Variants in ATG7 observed in about 807,000 individuals in gnomAD.
ATG7 encodes the protein ubiquitin-like modifier-activating enzyme ATG7.
ATG7 carries 70 observed loss-of-function variants against 82.4 expected under a neutral mutation model. The ratio of observed to expected loss-of-function variants is 0.85; its 90% CI spans 0.70 to 1.04. ATG7 has a LOEUF of 1.04. ATG7 is among the 50% of genes least tolerant of loss of function. ATG7 has a pLI of 0.00. For missense variants in ATG7, 792 were observed against 864.3 expected, an observed-to-expected ratio of 0.92 and a Z score of 1.05; for synonymous variants, 287 against 313.0, an observed-to-expected ratio of 0.92 and a Z score of 0.88.
intron 19 of ATG7, among the ~76,000 whole-genome samples, chr3:11,426,039 C>G (rs2082334928): frequency 6.6e-6 from 1 of 151,620 alleles, no homozygotes; most frequent in Non-Finnish European, 1.5e-5. Context: ...TCAATGGTTT[C>G]TAGTTTTGGG....
At position 11,334,924 on chromosome 3, in the gene ATG7, A is replaced by C. The variant is rs1952188433; in HGVS notation, c.889+1831A>C. 2.1e-5 allele frequency among the ~76,000 whole-genome samples: 3 copies of C among 143,714 alleles called. No individual in the cohort carries two copies. The South Asian group carries it at 6.8e-4, about 33-fold the overall frequency. 94.3% of individuals were successfully genotyped at this position (143,714 alleles called of 152,430 possible). A position where few individuals can be genotyped will look rare whatever the true frequency, so the allele number is the denominator to read the frequency against. ...TGAGCCGACTGCACTGCTGCACTCC[A>C]GCCTGGGTGACAGAGCAAGACTCTG... On this transcript the variant is annotated intron_variant, in intron 11 of 20. Transcript: ENST00000693202.
chr3:11,524,141 A>G (rs897807307), intron 20 of ATG7, among the ~76,000 whole-genome samples: 4 of 152,234 alleles, frequency 2.6e-5, no homozygotes, highest in Non-Finnish European at 4.4e-5. Context: ...AGGAACCCCA[A>G]ATCTCTCCAC....
At position 11,313,389 on chromosome 3, in the gene ATG7, T is replaced by G; in HGVS notation, c.497T>G (p.Val166Gly). The change falls in exon 8 of 21, where the codon GTG becomes GGG. Residue 166 changes from valine to glycine, a missense_variant. By Grantham distance (109) the Val-to-Gly change is moderately radical. Transcript: ENST00000693202. ...PESLPLIQGP[V>G]GLDQRFSLKQ... ...AGTTTACCTCTCATTCAGGGGCCAGTGGGTTTGGATCAAAGGTTTTCACTA... is the reference window on the plus strand; with the variant it reads ...AGTTTACCTCTCATTCAGGGGCCAGGGGGTTTGGATCAAAGGTTTTCACTA... The G allele has an allele frequency of 2.5e-6, 4 of 1,612,556 alleles. No homozygotes were observed. Among genetic ancestry groups the G allele is most frequent in the Non-Finnish European group, 3.4e-6 (4 of 1,179,128 alleles).
the ATG7 span, among the ~76,000 whole-genome samples, chr3:11,563,407 G>A: frequency 2.6e-5 from 4 of 152,216 alleles, no homozygotes; most frequent in East Asian, 1.9e-4. Context: ...AGCAGTGAGC[G>A]GGTCCCTGTG....
the ATG7 span, among the ~76,000 whole-genome samples, chr3:11,571,137 C>G: frequency 6.6e-6 from 1 of 152,180 alleles, no homozygotes; most frequent in Non-Finnish European, 1.5e-5. Flanking sequence ...TACCGGCATT[C>G]GGACTGTCCC....
intron 19 of ATG7, among the ~76,000 whole-genome samples, chr3:11,411,671 G>A (rs1028458829): frequency 1.5e-5 from 2 of 137,634 alleles, no homozygotes; most frequent in Non-Finnish European, 3.1e-5. Flanking sequence ...ATGATTTTCA[G>A]ATTATTTTGT....
chr3:11,473,638 A>T (rs908249097), intron 20 of ATG7, among the ~76,000 whole-genome samples: 4 of 152,340 alleles, frequency 2.6e-5, no homozygotes, highest in African/African-American at 9.6e-5. Flanking sequence ...TGAAACAATG[A>T]GAGTGAATTT....
intron 19 of ATG7, among the ~76,000 whole-genome samples, chr3:11,413,264 TC>T (rs1351595361): frequency 2.6e-5 from 4 of 152,212 alleles, no homozygotes; most frequent in Non-Finnish European, 5.9e-5. Flanking sequence ...GAGAAAGCGT[TC>T]CTTCTTTCAT....
chr3:11,554,882 T>C lies in ATG7; in HGVS notation c.*39T>C, dbSNP rs770007774. 3.1e-6 allele frequency: 5 copies of C among 1,606,652 alleles called. No individual in the cohort carries two copies. The highest frequency in any genetic ancestry group is 4.2e-6 in the Non-Finnish European group (5 of 1,177,650). On this transcript the variant is annotated 3_prime_UTR_variant, in exon 21 of 21. Coordinates refer to ENST00000693202, the MANE Select transcript of ATG7 (RefSeq NM_001349232.2). Reference sequence around the variant, plus strand: ...TGGGGCTGACTTCTCCCCGGCCGCCTGCTGAGGAGCTCTCCATCGCCAGAG... The same window carrying C: ...TGGGGCTGACTTCTCCCCGGCCGCCCGCTGAGGAGCTCTCCATCGCCAGAG...
intron 20 of ATG7, among the ~76,000 whole-genome samples, chr3:11,508,483 C>G (rs1350759743): frequency 2.0e-5 from 3 of 152,164 alleles, no homozygotes; most frequent in African/African-American, 4.8e-5. Context: ...GAGACAGAGT[C>G]TTGCTCTGTG....
the ATG7 span, among the ~76,000 whole-genome samples, chr3:11,570,456 G>C: frequency 6.6e-6 from 1 of 152,158 alleles, no homozygotes; most frequent in African/African-American, 2.4e-5. Flanking sequence ...AGGGGACCCC[G>C]GTCCCTGGCT....
intron 20 of ATG7, among the ~76,000 whole-genome samples, chr3:11,497,354 A>C (rs1348346460): frequency 1.7e-4 from 7 of 41,540 alleles, no homozygotes; most frequent in Admixed American, 1.5e-3. Flanking sequence ...TGTACTAAAA[A>C]TACTATATAT....
intron 19 of ATG7, among the ~76,000 whole-genome samples, chr3:11,407,458 A>AG: frequency 6.6e-6 from 1 of 152,300 alleles, no homozygotes; most frequent in South Asian, 2.1e-4. Context: ...TGAGGTCTAG[A>AG]GGACAGTGGC....
chr3:11,512,917 G>A (rs2092127477), intron 20 of ATG7, among the ~76,000 whole-genome samples: 1 of 152,134 alleles, frequency 6.6e-6, no homozygotes, highest in African/African-American at 2.4e-5. Context: ...CAATCCCTGA[G>A]CTAGACACAA....
At chr3:11,545,670 G>A (rs955585029) in intron 20 of ATG7, among the ~76,000 whole-genome samples, 6 of 147,962 alleles carry the variant, frequency 4.1e-5, no homozygotes, top group South Asian at 2.1e-4. Context: ...TCCGTGTCCC[G>A]AGCAGCCCTG....
intron 13 of ATG7, among the ~76,000 whole-genome samples, chr3:11,343,126 A>G (rs556145572): frequency 6.6e-6 from 1 of 152,204 alleles, no homozygotes; most frequent in East Asian, 1.9e-4. Flanking sequence ...ACGGGGTTTC[A>G]TCATGTTGTC....
Position 11,328,469 on chromosome 3 carries a change from G to A in ATG7, c.679-2871G>A, listed in dbSNP as rs115052983. Among the ~76,000 whole-genome samples the A allele has an allele frequency of 4.2e-3, 637 of 152,100 alleles. 4 individuals carry two copies. Among genetic ancestry groups the A allele is most frequent in the African/African-American group, 0.014 (600 of 41,492 alleles). Reference sequence around the variant, plus strand: ...AACCTGTTTGTATTAAATTAAATACGAATCTGTCTATTTGCGTTTAAGAAA... The same window carrying A: ...AACCTGTTTGTATTAAATTAAATACAAATCTGTCTATTTGCGTTTAAGAAA... On this transcript the variant is annotated intron_variant, in intron 9 of 20. Coordinates refer to ENST00000693202, the MANE Select transcript of ATG7 (RefSeq NM_001349232.2).
intron 7 of ATG7, among the ~76,000 whole-genome samples, chr3:11,312,858 A>G (rs980458045): frequency 2.0e-5 from 3 of 152,178 alleles, no homozygotes; most frequent in African/African-American, 7.2e-5. Context: ...AAAAAGCTTA[A>G]GTTTTGGAAG....
chr3:11,417,994 T>C (rs1432571766), intron 19 of ATG7, among the ~76,000 whole-genome samples: 1 of 151,252 alleles, frequency 6.6e-6, no homozygotes, highest in African/African-American at 2.4e-5. Context: ...TTTTTTTTAG[T>C]AGAGACGGGG....
Sources: gnomAD v4.1 joint callset for allele counts (sites outside exome capture counted in the v4.1 genomes callset) on GRCh38, gnomAD v4.1.1 for gene constraint, MANE v1.5 for transcripts, NCBI Gene and HGNC (gene_info 2026-07-23, HGNC 2026-07-21) for gene names.